VWA8: variants seen among roughly 807,000 people sequenced by gnomAD.
VWA8 encodes von Willebrand factor A domain containing 8, also known as von Willebrand factor A domain-containing protein 8.
In VWA8, 221 loss-of-function variants were observed where a neutral mutation model predicts 241.5. The observed-to-expected ratio is 0.91, with a 90% confidence interval of 0.82 to 1.02. The LOEUF (loss-of-function observed/expected upper bound fraction) is 1.02, where lower values mean the gene tolerates loss of function less well. Ranked by LOEUF, VWA8 falls within the 50% of genes least tolerant of loss-of-function variation. The pLI is 0.00. For missense variants in VWA8, 2,322 were observed against 2,328.7 expected (o/e 1.00, Z 0.06); for synonymous variants, 852 against 827.1 (o/e 1.03, Z -0.52).
At chr13:41,929,965 A>G (rs1259361467) in intron 2 of VWA8, among the ~76,000 whole-genome samples, 1 of 152,248 alleles carries the variant, frequency 6.6e-6, no homozygotes, top group Non-Finnish European at 1.5e-5. Context: ...AATTAGGAAA[A>G]AAACATTTGC....
In VWA8 at chr13:41,699,266, A is replaced by T. The variant is rs1368165741; in HGVS notation, c.3369T>A (p.Asn1123Lys). 6.2e-7 allele frequency: 1 copy of T among 1,613,950 alleles called. No individual in the cohort carries two copies. Among genetic ancestry groups the T allele is most frequent in the African/African-American group, 1.3e-5 (1 of 75,038 alleles). ...TAACTACATAGAGAGTATTTTGCTC[A>T]TTTTCTGAAATGACAAAAAGGTGTT... ...IICDIATSHE[N>K]EQNTLYVVTC... is the part of the protein sequence containing the mutation. The change falls in exon 29 of 45, where the codon AAT becomes AAA. Residue 1123 changes from asparagine (N) to lysine (K), a missense_variant. Physicochemically the swap from Asn to Lys is moderately conservative, Grantham distance 94. Transcript: ENST00000379310.
chr13:41,867,972 G>A (rs972774932), intron 10 of VWA8, among the ~76,000 whole-genome samples: 1 of 152,148 alleles, frequency 6.6e-6, no homozygotes, highest in Non-Finnish European at 1.5e-5. Context: ...TTCAACCAGA[G>A]CAGATCCTTT....
chr13:41,574,057 A>G (rs555676970), intron 43 of VWA8, among the ~76,000 whole-genome samples: 2 of 152,306 alleles, frequency 1.3e-5, no homozygotes, highest in Admixed American at 6.5e-5. Context: ...GCATGCCCGT[A>G]TCAAACATCT....
At chr13:41,654,185 T>G (rs1291429018) in intron 37 of VWA8, among the ~76,000 whole-genome samples, 1 of 152,186 alleles carries the variant, frequency 6.6e-6, no homozygotes, top group Non-Finnish European at 1.5e-5. Context: ...TAATAACTGA[T>G]TCAAGCAAGA....
At position 41,960,913 on chromosome 13, in the gene VWA8, C is replaced by T. The variant is rs1317585372; in HGVS notation, c.103G>A (p.Gly35Ser). 2.0e-6 allele frequency: 3 copies of T among 1,510,158 alleles called. No individual in the cohort carries two copies. The highest frequency in any genetic ancestry group is 1.4e-5 in the African/African-American group (1 of 69,468). 93.5% of individuals were successfully genotyped at this position (1,510,158 alleles called of 1,614,324 possible). ...LLRQVVQRRP[G>S]GDRQRPEVRL... ...ACCTCCGGCCGCTGCCTGTCGCCAC[C>T]CGGCCTGCGCTGCACCACCTGCCGC... Residue 35 changes from glycine to serine, a missense_variant, in exon 1 of 45, where the codon GGT (glycine) becomes AGT (serine). Physicochemically the swap from Gly to Ser is moderately conservative, Grantham distance 56. Transcript: ENST00000379310.
At chr13:41,645,442 C>A (rs1426662696) in intron 37 of VWA8, among the ~76,000 whole-genome samples, 1 of 152,186 alleles carries the variant, frequency 6.6e-6, no homozygotes, top group Non-Finnish European at 1.5e-5. Context: ...TCATTCATGA[C>A]CTCACTCAGG....
At chr13:41,839,855 C>T (rs564924446) in intron 12 of VWA8, among the ~76,000 whole-genome samples, 113 of 152,240 alleles carry the variant, frequency 7.4e-4, no homozygotes, top group Non-Finnish European at 1.4e-3. Flanking sequence ...GCTATACGGG[C>T]TCTTTTTTGG....
At chr13:41,666,696 T>C (rs900769104) in intron 37 of VWA8, among the ~76,000 whole-genome samples, 2 of 152,166 alleles carry the variant, frequency 1.3e-5, no homozygotes, top group Admixed American at 1.3e-4. Context: ...TTTCACTCAG[T>C]ACTCCTGAAA....
intron 37 of VWA8, among the ~76,000 whole-genome samples, chr13:41,625,547 A>G (rs934851343): frequency 4.6e-5 from 7 of 152,226 alleles, no homozygotes; most frequent in African/African-American, 1.4e-4. Flanking sequence ...ATCTCACACC[A>G]GTTAGAATGG....
intron 37 of VWA8, among the ~76,000 whole-genome samples, chr13:41,662,737 G>T (rs997909760): frequency 2.0e-5 from 3 of 151,526 alleles, no homozygotes; most frequent in Non-Finnish European, 2.9e-5. Flanking sequence ...TGTGCACAAC[G>T]TGCAGGTTTG....
chr13:41,680,214 AGTTTT>A (rs1399037943), intron 35 of VWA8, among the ~76,000 whole-genome samples: 2 of 152,066 alleles, frequency 1.3e-5, no homozygotes, highest in Non-Finnish European at 2.9e-5. Context: ...TTGTTTGTTT[AGTTTT>A]ATTTAGTACA....
Position 41,692,494 on chromosome 13 carries a change from TACTC to T in VWA8, c.3675+364_3675+367del, listed in dbSNP as rs2045184938. ...GTCTAATGGAGGAAATTAGGTATCA[TACTC>T]ACAGTTTCATCATATAAATCCAAAA... is the stretch of plus-strand genomic sequence containing the variant. On this transcript the variant is annotated intron_variant, in intron 30 of 44. Coordinates refer to ENST00000379310, the MANE Select transcript of VWA8 (RefSeq NM_015058.2). Among the ~76,000 whole-genome samples the T allele has an allele frequency of 2.6e-5, 4 of 152,188 alleles. No homozygotes were observed. In the South Asian group the frequency reaches 8.3e-4, roughly 32 times the overall value.
intron 12 of VWA8, among the ~76,000 whole-genome samples, chr13:41,860,229 T>C (rs1872946454): frequency 6.6e-6 from 1 of 152,304 alleles, no homozygotes; most frequent in African/African-American, 2.4e-5. Flanking sequence ...AAATTTTCTC[T>C]AAAAATTAAT....
intron 15 of VWA8, among the ~76,000 whole-genome samples, chr13:41,817,027 C>G (rs549867172): frequency 1.3e-5 from 2 of 152,272 alleles, no homozygotes; most frequent in South Asian, 2.1e-4. Flanking sequence ...ACAATTCTAT[C>G]ACCACGATAA....
At chr13:41,733,122 T>G (rs990840461) in intron 21 of VWA8, among the ~76,000 whole-genome samples, 2 of 152,210 alleles carry the variant, frequency 1.3e-5, no homozygotes, top group African/African-American at 4.8e-5. Context: ...TGGACAGTGA[T>G]ATTCAGACCT....
chr13:41,722,514 G>A (rs1349282362), intron 24 of VWA8, among the ~76,000 whole-genome samples: 2 of 152,076 alleles, frequency 1.3e-5, no homozygotes, highest in African/African-American at 4.8e-5. Flanking sequence ...TAAAATGAAA[G>A]CCATGATATC....
chr13:41,897,816 A>G (rs770703525), intron 4 of VWA8, among the ~76,000 whole-genome samples: 1 of 152,112 alleles, frequency 6.6e-6, no homozygotes, highest in Non-Finnish European at 1.5e-5. Context: ...GAAAAAACAA[A>G]GCTTCCACAC....
intron 21 of VWA8, 21 bp from the exon 22 acceptor site, chr13:41,732,176 T>A (rs2045490076): frequency 6.3e-7 from 1 of 1,599,416 alleles, no homozygotes; most frequent in Admixed American, 1.7e-5. Context: ...ACCAACACAT[T>A]TTATAGTTAG....
At position 41,865,750 on chromosome 13, in the gene VWA8, T is replaced by C. The variant is rs199670827; in HGVS notation, c.1411A>G (p.Ile471Val). The change falls in exon 12 of 45, where the codon ATT becomes GTT. Residue 471 changes from isoleucine (I) to valine (V), a missense_variant. Ile to Val is a conservative substitution (Grantham distance 29). Coordinates refer to ENST00000379310, the MANE Select transcript of VWA8 (RefSeq NM_015058.2). ...ADTLGYNIEP[I>V]MLYQDMTARD... ...GAACACTGTACCTGATAGAGCATAA[T>C]AGGTTCTATGTTGTATCCTAAGGTA... 62 of 1,613,856 alleles carry C rather than the reference T, an allele frequency of 3.8e-5. No homozygotes were observed. In the East Asian group the frequency reaches 1.3e-3, roughly 33 times the overall value.
Sources: allele counts gnomAD v4.1 joint callset (sites outside exome capture counted in the v4.1 genomes callset), GRCh38; gene constraint gnomAD v4.1.1; transcripts MANE v1.5; gene names NCBI Gene and HGNC (gene_info 2026-07-23, HGNC 2026-07-21).